The following TRPC6 variants were observed in gnomAD, a reference collection of about 807,000 sequenced individuals.
The protein encoded by TRPC6 is transient receptor potential cation channel subfamily C member 6.
TRPC6 carries 55 observed loss-of-function variants against 90.7 expected under a neutral mutation model. The ratio of observed to expected loss-of-function variants is 0.61; its 90% CI spans 0.49 to 0.76. The LOEUF is 0.76. TRPC6 is among the 30% of genes least tolerant of loss of function. The pLI is 0.00. For synonymous variants in TRPC6, 393 were observed against 393.0 expected, an observed-to-expected ratio of 1.00 and a Z score of 0.00; for missense variants, 989 against 1,122.7, an observed-to-expected ratio of 0.88 and a Z score of 1.70.
chr11:101,510,090 G>T (rs10791493), intron 1 of TRPC6, among the ~76,000 whole-genome samples: 74,557 of 151,918 alleles, frequency 0.49, 18,709 homozygotes, highest in African/African-American at 0.55. Flanking sequence ...AGAACAAAAC[G>T]CATGCTTTGC....
rs75470260 is a variant in TRPC6 at position 101,524,150 on chromosome 11, C to T, written c.171-19352G>A. On this transcript the variant is annotated intron_variant, in intron 1 of 12. Coordinates refer to ENST00000344327, the MANE Select transcript of TRPC6 (RefSeq NM_004621.6). ...TTTTACTTTTTGTATTCACAACAGC[C>T]TTCCATTTTCAAATTTGGGATTATA... 4.8e-3 allele frequency among the ~76,000 whole-genome samples: 725 copies of T among 152,352 alleles called. 7 individuals are homozygous for T. Among genetic ancestry groups the T allele is most frequent in the African/African-American group, 0.017 (700 of 41,578 alleles).
chr11:101,518,293 T>G (rs1860569029), intron 1 of TRPC6, among the ~76,000 whole-genome samples: 1 of 152,084 alleles, frequency 6.6e-6, no homozygotes, highest in Non-Finnish European at 1.5e-5. Context: ...AAACTGCCCC[T>G]CTGACAAGGG....
At chr11:101,579,454 C>G (rs1862144592) in intron 1 of TRPC6, among the ~76,000 whole-genome samples, 2 of 152,196 alleles carry the variant, frequency 1.3e-5, no homozygotes, top group Non-Finnish European at 2.9e-5. Context: ...TCCACTGACT[C>G]TCACTCTTGG....
intron 1 of TRPC6, among the ~76,000 whole-genome samples, chr11:101,568,222 T>G (rs976697476): frequency 6.6e-6 from 1 of 152,160 alleles, no homozygotes; most frequent in Non-Finnish European, 1.5e-5. Context: ...TCGTGAAGCA[T>G]GCACAAGTAT....
intron 1 of TRPC6, among the ~76,000 whole-genome samples, chr11:101,548,280 A>ATATATATATATATATATATATAATT (rs71303295): frequency 2.1e-4 from 28 of 135,482 alleles, no homozygotes; most frequent in Non-Finnish European, 2.9e-4. Context: ...TATAATTTAT[A>ATATATATATATATATATATATAATT]TATATAATTA....
Position 101,573,801 on chromosome 11 carries a change from T to C in TRPC6, c.170+9533A>G, listed in dbSNP as rs11224873. 4.9e-3 allele frequency among the ~76,000 whole-genome samples: 749 copies of C among 152,198 alleles called. 8 individuals are homozygous for C. The highest frequency in any genetic ancestry group is 0.018 in the African/African-American group (728 of 41,522). ...AGTCATTACCGTGACATAGTTTTCA[T>C]CATCAGTGCATGTGCCAACATTAAT... is the stretch of plus-strand genomic sequence containing the variant. On this transcript the variant is annotated intron_variant, in intron 1 of 12. Transcript: ENST00000344327.
At chr11:101,512,232 C>T (rs1205957179) in intron 1 of TRPC6, among the ~76,000 whole-genome samples, 2 of 152,130 alleles carry the variant, frequency 1.3e-5, no homozygotes, top group East Asian at 3.9e-4. Context: ...TTTGATCAGT[C>T]ACACTACATC....
At chr11:101,492,025 G>A (rs1003740048) in intron 2 of TRPC6, among the ~76,000 whole-genome samples, 1 of 151,646 alleles carries the variant, frequency 6.6e-6, no homozygotes, top group Admixed American at 6.6e-5. Flanking sequence ...ATTTTTAGTA[G>A]AGACGGGATT....
At chr11:101,582,416 TGAC>T (rs1862217792) in intron 1 of TRPC6, among the ~76,000 whole-genome samples, 1 of 151,992 alleles carries the variant, frequency 6.6e-6, no homozygotes, top group South Asian at 2.1e-4. Context: ...TCAGGAAACT[TGAC>T]TACCCAATCA....
chr11:101,519,629 G>T (rs1363823540), intron 1 of TRPC6, among the ~76,000 whole-genome samples: 1 of 151,894 alleles, frequency 6.6e-6, no homozygotes, highest in Non-Finnish European at 1.5e-5. Flanking sequence ...AAATCATGGT[G>T]GTGTCCTGGG....
intron 6 of TRPC6, 104 bp downstream of exon 6, chr11:101,476,197 A>G: frequency 1.0e-6 from 1 of 961,370 alleles, no homozygotes; most frequent in Admixed American, 2.1e-5. Context: ...TTGGAAACTC[A>G]CAAACAATTT....
intron 1 of TRPC6, among the ~76,000 whole-genome samples, chr11:101,572,235 G>T (rs949947669): frequency 6.6e-6 from 1 of 151,260 alleles, no homozygotes; most frequent in African/African-American, 2.4e-5. Context: ...CTTCTCAAAA[G>T]AAGACATTTT....
intron 1 of TRPC6, among the ~76,000 whole-genome samples, chr11:101,541,977 T>A (rs1861182698): frequency 6.6e-6 from 1 of 152,196 alleles, no homozygotes. Context: ...CAGGCAACTC[T>A]TGGATAATTC....
rs374866314 is a variant in TRPC6, at chr11:101,483,034, G to A, written c.1425C>T (p.Thr475=). The A allele has an allele frequency of 3.1e-6, 5 of 1,613,882 alleles. No homozygotes were observed. The African/African-American group carries it at 6.7e-5, about 22-fold the overall frequency. Residue 475 remains threonine (T), a synonymous_variant, in exon 5 of 13, where the codon ACC becomes ACT. Coordinates refer to ENST00000344327, the MANE Select transcript of TRPC6 (RefSeq NM_004621.6). The part of the protein sequence containing the change: ...FEGTKLLPNE[T]STDNAKQLFR... The stretch of plus-strand genomic sequence containing the variant: ...ACAGCTGTTTTGCATTATCTGTGCT[G>A]GTTTCATTAGGAAGGAGTTTTGTGC...
chr11:101,566,415 T>C (rs1861831722), intron 1 of TRPC6, among the ~76,000 whole-genome samples: 1 of 152,202 alleles, frequency 6.6e-6, no homozygotes, highest in African/African-American at 2.4e-5. Flanking sequence ...CCCTTTCCTC[T>C]TGTTATTAAA....
In TRPC6 at chr11:101,452,957, A is replaced by T. The variant is rs1858797162; in HGVS notation, c.2794T>A (p.Ter932LysextTer51). Residue 932 changes from the stop codon to lysine (K), a stop_lost, in exon 13 of 13, where the codon TAA becomes AAA. Coordinates refer to ENST00000344327, the MANE Select transcript of TRPC6 (RefSeq NM_004621.6). ...MEPNQEETNR[*>K] The stretch of plus-strand genomic sequence containing the variant: ...GAATTTCTAAGGAAGTCTTCGCATT[A>T]TCTATTGGTTTCCTCTTGATTTGGT... The T allele has an allele frequency of 6.2e-7, 1 of 1,613,794 alleles. No homozygotes were observed. The highest frequency in any genetic ancestry group is 1.7e-5 in the Admixed American group (1 of 60,000).
intron 1 of TRPC6, among the ~76,000 whole-genome samples, chr11:101,524,474 C>T (rs1860731881): frequency 6.6e-6 from 1 of 152,226 alleles, no homozygotes. Context: ...TGGTCTCGAT[C>T]TCATGACCTC....
Position 101,478,429 on chromosome 11 carries a change from G to T in TRPC6, c.1511-1895C>A, listed in dbSNP as rs372298502. Among the ~76,000 whole-genome samples, 126 of 152,182 alleles carry T rather than the reference G, an allele frequency of 8.3e-4. 3 individuals carry two copies. In the South Asian group the frequency reaches 0.02, roughly 24 times the overall value. ...GATGGTTCAGAGTAACAAGCATGGG[G>T]ACTAAAGGGACATTTGAACTCATGC... On this transcript the variant is annotated intron_variant, in intron 5 of 12. Transcript: ENST00000344327.
At chr11:101,553,933 G>A (rs576824353) in intron 1 of TRPC6, among the ~76,000 whole-genome samples, 1 of 152,054 alleles carries the variant, frequency 6.6e-6, no homozygotes, top group African/African-American at 2.4e-5. Flanking sequence ...AGATGCCGTT[G>A]TAAGTGTTCA....
Sources: gnomAD v4.1 joint callset for allele counts (sites outside exome capture counted in the v4.1 genomes callset) on GRCh38, gnomAD v4.1.1 for gene constraint, MANE v1.5 for transcripts, NCBI Gene and HGNC (gene_info 2026-07-23, HGNC 2026-07-21) for gene names.